The following STARD9 variants were observed in gnomAD, a reference collection of about 807,000 sequenced individuals.
The protein encoded by STARD9 is StAR related lipid transfer domain containing 9, also known as stAR-related lipid transfer protein 9.
In STARD9, 346 loss-of-function variants were observed where a neutral mutation model predicts 399.8. The observed-to-expected ratio is 0.87, with a 90% CI of 0.79 to 0.95. The LOEUF is 0.95. Ranked by LOEUF, STARD9 falls within the 40% of genes least tolerant of loss-of-function variation. The pLI, the probability that STARD9 is intolerant of heterozygous loss-of-function variation, is 0.00. For synonymous variants in STARD9, 2,203 were observed against 2,143.5 expected, an observed-to-expected ratio of 1.03 and a Z score of -0.77; for missense variants, 5,832 against 5,667.5, an observed-to-expected ratio of 1.03 and a Z score of -0.93.
In STARD9 at chr15:42,685,845, C is replaced by T. The variant is rs2060541245; in HGVS notation, c.4267C>T (p.Leu1423=). Residue 1423 remains leucine, a synonymous_variant, in exon 23 of 33, where the codon CTG becomes TTG. Coordinates refer to ENST00000290607, the MANE Select transcript of STARD9 (RefSeq NM_020759.3). ...AGCCTCTGCTGCTGATACGTCTAGG[C>T]TGTCTCTCTGGGGAATTCAAAGGCT... ...HTASAADTSR[L]SLWGIQRLIQ... 3.9e-6 allele frequency: 6 copies of T among 1,537,110 alleles called. No individual in the cohort carries two copies. The highest frequency in any genetic ancestry group is 4.4e-6 in the Non-Finnish European group (5 of 1,146,922).
In STARD9 at chr15:42,693,607, G is replaced by A. The variant is rs758822701; in HGVS notation, c.12029G>A (p.Gly4010Glu). Residue 4010 changes from glycine to glutamate, a missense_variant, in exon 23 of 33, where the codon GGG becomes GAG. By Grantham distance (98) the Gly-to-Glu change is moderately conservative (BLOSUM62 -2). Transcript: ENST00000290607. ...CAGCTTCAGCCCAGGACAACTATCG[G>A]GGTCCAAAGCAGACTGCTGCCACCA... ...PQQLQPRTTI[G>E]VQSRLLPPPL... The A allele has an allele frequency of 4.6e-6, 7 of 1,537,220 alleles. No homozygotes were observed. The African/African-American group carries it at 6.8e-5, about 15-fold the overall frequency.
At chr15:42,609,898 G>C (rs2058813644) in intron 3 of STARD9, among the ~76,000 whole-genome samples, 2 of 151,926 alleles carry the variant, frequency 1.3e-5, no homozygotes, top group Non-Finnish European at 2.9e-5. Context: ...TTCCAGACCA[G>C]CCTGGCCCAT....
intron 3 of STARD9, among the ~76,000 whole-genome samples, chr15:42,616,622 T>C (rs1365058492): frequency 6.6e-6 from 1 of 152,144 alleles, no homozygotes; most frequent in African/African-American, 2.4e-5. Flanking sequence ...CCGGGTGCAG[T>C]GGCCCATACC....
intron 15 of STARD9, among the ~76,000 whole-genome samples, chr15:42,667,341 C>G (rs1033239385): frequency 6.6e-6 from 1 of 151,972 alleles, no homozygotes; most frequent in Non-Finnish European, 1.5e-5. Flanking sequence ...CACGCCACCA[C>G]GCCCGACTAA....
chr15:42,706,453 A>ATTTTTT (rs1208800295), intron 26 of STARD9, among the ~76,000 whole-genome samples: 1 of 141,328 alleles, frequency 7.1e-6, no homozygotes, highest in Admixed American at 7.1e-5. Context: ...ACCTATCTTA[A>ATTTTTT]TTTTTTTTTT....
chr15:42,685,307 G>A lies in STARD9; in HGVS notation c.3729G>A (p.Leu1243=). 6.5e-7 allele frequency: 1 copy of A among 1,537,540 alleles called. No homozygotes were observed. Among genetic ancestry groups the A allele is most frequent in the Non-Finnish European group, 8.7e-7 (1 of 1,146,992 alleles). Residue 1243 remains leucine, a synonymous_variant, in exon 23 of 33, where the codon CTG becomes CTA. Coordinates refer to ENST00000290607, the MANE Select transcript of STARD9 (RefSeq NM_020759.3). ...TTTGGCACCTGGAGGACTCTAGTCT[G>A]CCTGTAATGGACCAAGAGGCAATAT... ...ETFWHLEDSS[L]PVMDQEAICR...
rs1225181909 is a variant in STARD9, at chr15:42,693,892, G to A, written c.12314G>A (p.Gly4105Asp). The change falls in exon 23 of 33, where the codon GGC (glycine) becomes GAC (aspartate). Residue 4105 changes from glycine to aspartate, a missense_variant. Coordinates refer to ENST00000290607, the MANE Select transcript of STARD9 (RefSeq NM_020759.3). ...GCAGGGCTCCGAGGTTCTGCCTTGG[G>A]CCTCCCTCAGGCCTGCCAACCTGAG... ...DTAGLRGSAL[G>D]LPQACQPEEL... is the part of the protein sequence containing the mutation. 1 of 1,530,208 alleles carries A rather than the reference G, an allele frequency of 6.5e-7. No homozygotes were observed. The highest frequency in any genetic ancestry group is 2.0e-5 in the Admixed American group (1 of 50,630). 94.8% of individuals were successfully genotyped at this position (1,530,208 alleles called of 1,614,324 possible). A position where few individuals can be genotyped will look rare whatever the true frequency, so the allele number is the denominator to read the frequency against.
At chr15:42,648,406 A>C (rs1015648228) in intron 7 of STARD9, among the ~76,000 whole-genome samples, 1 of 152,074 alleles carries the variant, frequency 6.6e-6, no homozygotes, top group African/African-American at 2.4e-5. Flanking sequence ...AAAGTAATCC[A>C]CTGGCCTCGG....
At chr15:42,683,834 C>T (rs1244550254) in intron 22 of STARD9, among the ~76,000 whole-genome samples, 3 of 152,088 alleles carry the variant, frequency 2.0e-5, no homozygotes, top group African/African-American at 4.8e-5. Context: ...TAAATTGTTC[C>T]TCTATTCCTC....
rs1448851844 is a variant in STARD9 at position 42,692,897 on chromosome 15, A to G, written c.11319A>G (p.Gln3773=). Residue 3773 remains glutamine (Q), a synonymous_variant, in exon 23 of 33, where the codon CAA becomes CAG. Coordinates refer to ENST00000290607, the MANE Select transcript of STARD9 (RefSeq NM_020759.3). ...GLGSDTSTVS[Q]EEGDVPGVPQ... ...GCTCAGATACCTCGACTGTGTCTCA[A>G]GAAGAGGGAGATGTGCCAGGGGTAC... The G allele has an allele frequency of 3.3e-6, 5 of 1,537,158 alleles. No homozygotes were observed. The African/African-American group carries it at 5.5e-5, about 17-fold the overall frequency.
At chr15:42,642,165 A>G (rs1385448800) in intron 7 of STARD9, among the ~76,000 whole-genome samples, 2 of 152,228 alleles carry the variant, frequency 1.3e-5, no homozygotes, top group African/African-American at 4.8e-5. Flanking sequence ...AACCAATTCT[A>G]CAGAAATTTA....
rs533613346 is a variant in STARD9, at chr15:42,667,007, G to C, written c.1317+1159G>C. ...TTTCTGCGTTTTTAGTAGAGACGGG[G>C]TTTCACCACATTGGCCAGGCTGGTG... is the stretch of plus-strand genomic sequence containing the variant. On this transcript the variant is annotated intron_variant, in intron 15 of 32. Transcript: ENST00000290607. Among the ~76,000 whole-genome samples, 5 of 152,070 alleles carry C rather than the reference G, an allele frequency of 3.3e-5. No homozygotes were observed. The East Asian group carries it at 9.7e-4, about 29-fold the overall frequency.
intron 3 of STARD9, among the ~76,000 whole-genome samples, chr15:42,626,045 C>A (rs1367910107): frequency 6.6e-6 from 1 of 152,012 alleles, no homozygotes; most frequent in African/African-American, 2.4e-5. Flanking sequence ...CCTCAGCTTC[C>A]CAAGTAACTG....
At position 42,682,449 on chromosome 15, in the gene STARD9, A is replaced by T; in HGVS notation, c.2411A>T (p.Glu804Val). 1.3e-6 allele frequency: 2 copies of T among 1,537,186 alleles called. No homozygotes were observed. The highest frequency in any genetic ancestry group is 1.7e-6 in the Non-Finnish European group (2 of 1,146,890). ...LCWLQDDSTQ[E>V]PPYQVLSPDA... ...TGGCTCCAGGATGACAGCACCCAGG[A>T]GCCCCCATACCAGGTCCTCAGCCCT... The change falls in exon 22 of 33, where the codon GAG (glutamate) becomes GTG (valine). Residue 804 changes from glutamate to valine, a missense_variant. Physicochemically the swap from Glu to Val is moderately radical, Grantham distance 121 (BLOSUM62 -2). Coordinates refer to ENST00000290607, the MANE Select transcript of STARD9 (RefSeq NM_020759.3).
rs11314415 is a variant in STARD9 at position 42,624,553 on chromosome 15, C to CT, written c.235-10290dup. ...TTTGTTTATCACCATTTTCTGTTGT[C>CT]TTTTTTTTTTTTTGAGACAGAGTCT... On this transcript the variant is annotated intron_variant, in intron 3 of 32. Coordinates refer to ENST00000290607, the MANE Select transcript of STARD9 (RefSeq NM_020759.3). Among the ~76,000 whole-genome samples the CT allele has an allele frequency of 3.3e-3, 467 of 142,748 alleles. 3 individuals are homozygous for CT. The highest frequency in any genetic ancestry group is 3.5e-3 in the South Asian group (16 of 4,562). 93.6% of individuals were successfully genotyped at this position (142,748 alleles called of 152,430 possible).
chr15:42,717,544 A>T (rs1267059165), intron 28 of STARD9, among the ~76,000 whole-genome samples, 187 bp from the exon 29 acceptor site: 2 of 151,960 alleles, frequency 1.3e-5, no homozygotes, highest in Non-Finnish European at 2.9e-5. Context: ...AGGATCGCTT[A>T]AGCCCAGGAG....
chr15:42,647,342 T>C (rs959131064), intron 7 of STARD9, among the ~76,000 whole-genome samples: 2 of 152,222 alleles, frequency 1.3e-5, no homozygotes, highest in Non-Finnish European at 2.9e-5. Flanking sequence ...CAAGTTAAAC[T>C]TTCCTACTAT....
Position 42,585,556 on chromosome 15 carries a change from G to A in STARD9, c.153G>A (p.Arg51=). 1 of 1,537,164 alleles carries A rather than the reference G, an allele frequency of 6.5e-7. No homozygotes were observed. ...GACCAGATGGCTTTGGGGACTCCCGGGAGAAGGTTATGGCATTTGGCTTTG... is the reference window on the plus strand; with the variant it reads ...GACCAGATGGCTTTGGGGACTCCCGAGAGAAGGTTATGGCATTTGGCTTTG... The part of the protein sequence containing the change: ...DNRPDGFGDS[R]EKVMAFGFDY... Residue 51 remains arginine, a synonymous_variant, in exon 3 of 33, where the codon CGG becomes CGA. Transcript: ENST00000290607.
At position 42,634,969 on chromosome 15, in the gene STARD9, C is replaced by A; in HGVS notation, c.348C>A (p.Thr116=). The part of the protein sequence containing the change: ...GSGKTYTMLG[T]PASVGLTPRI... ...GGAAGACATATACCATGCTGGGGAC[C>A]CCAGTGAGTATTACAATGATATATA... Residue 116 remains threonine (T), a synonymous_variant, in exon 4 of 33, where the codon ACC becomes ACA. Coordinates refer to ENST00000290607, the MANE Select transcript of STARD9 (RefSeq NM_020759.3). 1 of 1,516,946 alleles carries A rather than the reference C, an allele frequency of 6.6e-7. No individual in the cohort carries two copies. Among genetic ancestry groups the A allele is most frequent in the South Asian group, 1.2e-5 (1 of 83,200 alleles). The allele number at this position is 1,516,946 out of a possible 1,614,324, so 94.0% of individuals were successfully genotyped here.
Sources: allele counts gnomAD v4.1 joint callset (sites outside exome capture counted in the v4.1 genomes callset), GRCh38; gene constraint gnomAD v4.1.1; transcripts MANE v1.5; gene names NCBI Gene and HGNC (gene_info 2026-07-23, HGNC 2026-07-21).